The following PLD4 variants were observed in gnomAD, a reference collection of about 807,000 sequenced individuals.
The protein encoded by PLD4 is phospholipase D family member 4.
In PLD4, 54 loss-of-function variants were observed where a neutral mutation model predicts 52.3. The observed-to-expected ratio is 1.03, with a 90% CI of 0.83 to 1.30. PLD4 has a LOEUF of 1.30. Ranked by LOEUF, PLD4 falls within the 50% of genes most tolerant of loss-of-function variation. The pLI is 0.00. For missense variants in PLD4, 731 were observed against 671.1 expected (o/e 1.09, Z -0.99); for synonymous variants, 264 against 286.5 (o/e 0.92, Z 0.79).
intron 1 of PLD4, 145 bp from the exon 2 acceptor site, chr14:104,926,996 C>T (rs573306948): frequency 4.3e-5 from 27 of 633,338 alleles, no homozygotes; most frequent in Middle Eastern, 9.4e-4. Flanking sequence ...ACATCCAGGG[C>T]GTGACCTCGG....
In PLD4 at chr14:104,928,861, G is replaced by A. The variant is rs760020084; in HGVS notation, c.397G>A (p.Val133Ile). 32 of 1,612,324 alleles carry A rather than the reference G, an allele frequency of 2.0e-5. No homozygotes were observed. Among genetic ancestry groups the A allele is most frequent in the African/African-American group, 1.1e-4 (8 of 74,942 alleles). ...LQLLDTAQES[V>I]HVASYYWSLT... The stretch of plus-strand genomic sequence containing the variant: ...GCTGCTGGACACTGCCCAGGAGAGC[G>A]TCCACGTGGCTTCATACTACTGGTC... The change falls in exon 4 of 11, where the codon GTC (valine) becomes ATC (isoleucine). Residue 133 changes from valine (V) to isoleucine (I), a missense_variant. By Grantham distance (29) the Val-to-Ile change is conservative. Transcript: ENST00000392593.
intron 3 of PLD4, among the ~76,000 whole-genome samples, 174 bp from the exon 4 acceptor site, chr14:104,928,575 A>G (rs1897532373): frequency 6.6e-6 from 1 of 152,156 alleles, no homozygotes; most frequent in Non-Finnish European, 1.5e-5. Context: ...CACCCTGCCC[A>G]GTCTGTTTTG....
downstream of PLD4, chr14:104,935,317 G>A (rs1038221443): frequency 2.6e-5 from 4 of 152,286 alleles, no homozygotes; most frequent in African/African-American, 7.2e-5. Flanking sequence ...CAACTGGCTG[G>A]TGGCCCTCAG....
chr14:104,927,061 C>A, intron 1 of PLD4, 80 bp from the exon 2 acceptor site: 2 of 1,350,578 alleles, frequency 1.5e-6, no homozygotes, highest in Non-Finnish European at 2.0e-6. Context: ...GGGGTGTCCC[C>A]AGTGCCCAGC....
intron 1 of PLD4, among the ~76,000 whole-genome samples, 153 bp downstream of exon 1, chr14:104,925,143 A>C (rs564839133): frequency 6.6e-6 from 1 of 152,350 alleles, no homozygotes; most frequent in South Asian, 2.1e-4. Context: ...CTCCGTCCCC[A>C]GTCCGTGCAG....
intron 8 of PLD4, 59 bp from the exon 9 acceptor site, chr14:104,931,953 T>C: frequency 6.6e-7 from 1 of 1,526,574 alleles, no homozygotes; most frequent in Non-Finnish European, 8.8e-7. Flanking sequence ...CGTCCCCTCC[T>C]GCTGGGACCC....
intron 4 of PLD4, 69 bp downstream of exon 4, chr14:104,929,001 C>A: frequency 6.6e-7 from 1 of 1,519,866 alleles, no homozygotes; most frequent in Non-Finnish European, 8.9e-7. Flanking sequence ...CCTATCTATG[C>A]AGGCGTCTCG....
chr14:104,929,545 G>A (rs1897573444), intron 5 of PLD4, 118 bp downstream of exon 5: 1 of 1,407,752 alleles, frequency 7.1e-7, no homozygotes, highest in East Asian at 2.5e-5. Flanking sequence ...GACTTCCCTA[G>A]GACACCCCAG....
rs749184178 is a variant in PLD4 at position 104,931,776 on chromosome 14, GC to G, written c.949del (p.Arg317AlafsTer11). The G allele has an allele frequency of 1.9e-6, 3 of 1,589,668 alleles. No individual in the cohort carries two copies. Among genetic ancestry groups the G allele is most frequent in the Non-Finnish European group, 2.6e-6 (3 of 1,168,574 alleles). On this transcript the variant is annotated frameshift_variant, in exon 8 of 11. Transcript: ENST00000392593. LOFTEE classifies it high-confidence loss of function. ...SASPPALCPQ[G>X]RTRDLEALLA... ...TCGCCACCAGCACTCTGTCCCCAGG[GC>G]CGCACCCGGGACCTGGAGGCGCTGC...
chr14:104,928,832 T>C lies in PLD4; in HGVS notation c.368T>C (p.Leu123Pro). 1 of 1,612,226 alleles carries C rather than the reference T, an allele frequency of 6.2e-7. No individual in the cohort carries two copies. Among genetic ancestry groups the C allele is most frequent in the Middle Eastern group, 1.7e-4 (1 of 6,030 alleles). ...PSAQPLGQAW[L>P]QLLDTAQESV... Reference sequence around the variant, plus strand: ...GCCCAGCCTCTGGGCCAGGCCTGGCTGCAGCTGCTGGACACTGCCCAGGAG... The same window carrying C: ...GCCCAGCCTCTGGGCCAGGCCTGGCCGCAGCTGCTGGACACTGCCCAGGAG... Residue 123 changes from leucine to proline, a missense_variant, in exon 4 of 11, where the codon CTG (leucine) becomes CCG (proline). By Grantham distance (98) the Leu-to-Pro change is moderately conservative. Transcript: ENST00000392593.
At chr14:104,930,222 A>C (rs1897598947) in intron 6 of PLD4, 117 bp downstream of exon 6, 1 of 1,372,038 alleles carries the variant, frequency 7.3e-7, no homozygotes, top group Non-Finnish European at 9.9e-7. Flanking sequence ...TCCTGTTTAC[A>C]ATTCACTATG....
Position 104,932,196 on chromosome 14 carries a change from C to CCGGG in PLD4, c.1224+22_1224+25dup. 1.2e-6 allele frequency: 2 copies of CCGGG among 1,611,890 alleles called. No individual in the cohort carries two copies. Among genetic ancestry groups the CCGGG allele is most frequent in the Non-Finnish European group, 1.7e-6 (2 of 1,179,460 alleles). ...GGACGTGGTGAGGGCGTGCTCCCGG[C>CCGGG]CGGGCGTGGGAAAGGCGGCCCTCCT... On this transcript the variant is annotated intron_variant, in intron 9 of 10. Coordinates refer to ENST00000392593, the MANE Select transcript of PLD4 (RefSeq NM_138790.5). The surrounding 1 kb of genome is among the most constrained non-coding windows in gnomAD (Gnocchi z 6.5).
In PLD4 at chr14:104,930,058, CA is replaced by C. The variant is rs769896593; in HGVS notation, c.671del (p.His224ProfsTer14). The C allele has an allele frequency of 3.9e-5, 63 of 1,613,486 alleles. No individual in the cohort carries two copies. The highest frequency in any genetic ancestry group is 5.3e-5 in the Non-Finnish European group (62 of 1,179,986). ...CAAATTCTGGGTTGTGGATGGACGG[CA>C]CATATACATGGGCAGTGCCAACATG... ...HSKFWVVDGR[H>X]IYMGSANMDW... On this transcript the variant is annotated frameshift_variant, in exon 6 of 11. Coordinates refer to ENST00000392593, the MANE Select transcript of PLD4 (RefSeq NM_138790.5). LOFTEE classifies it high-confidence loss of function.
At chr14:104,925,085 C>T (rs1024296983) in intron 1 of PLD4, 95 bp downstream of exon 1, 2 of 152,644 alleles carry the variant, frequency 1.3e-5, no homozygotes, top group African/African-American at 4.8e-5. Context: ...CCAGCAACCC[C>T]AGGTCCAGAG....
chr14:104,933,061 G>GA lies in PLD4; in HGVS notation c.*97_*98insA. On this transcript the variant is annotated 3_prime_UTR_variant, in exon 11 of 11. Coordinates refer to ENST00000392593, the MANE Select transcript of PLD4 (RefSeq NM_138790.5). ...GCCGCTTCCTCCCGCAAGCAGCCCG[G>GA]GTCCGCACTGCGCCAGGAGCCGCCT... The GA allele has an allele frequency of 3.7e-6, 5 of 1,352,682 alleles. No homozygotes were observed. Among genetic ancestry groups the GA allele is most frequent in the Non-Finnish European group, 4.8e-6 (5 of 1,031,520 alleles). 83.8% of individuals were successfully genotyped at this position (1,352,682 alleles called of 1,614,324 possible).
Position 104,927,618 on chromosome 14 carries a change from G to C in PLD4, c.91-55G>C, listed in dbSNP as rs1420562995. On this transcript the variant is annotated intron_variant, in intron 2 of 10. Transcript: ENST00000392593. ...GCACTGGAGGGGCCATCGTGGCCCA[G>C]CCAGAAGTCAAGCCCCGCCCTGTCT... 4 of 1,480,726 alleles carry C rather than the reference G, an allele frequency of 2.7e-6. No individual in the cohort carries two copies. The African/African-American group carries it at 5.6e-5, about 21-fold the overall frequency. The allele number at this position is 1,480,726 out of a possible 1,614,324, so 91.7% of individuals were successfully genotyped here. A position where few individuals can be genotyped will look rare whatever the true frequency, so the allele number is the denominator to read the frequency against.
chr14:104,932,775 C>G lies in PLD4; in HGVS notation c.1332C>G (p.Asn444Lys). ...CCATCCTCCCCGCAGGCACCTCCAA[C>G]TGGTCGGAGGATTACTTCAGCAGCA... ...TEKAAYIGTS[N>K]WSEDYFSSTA... is the part of the protein sequence containing the mutation. The change falls in exon 11 of 11, where the codon AAC (asparagine) becomes AAG (lysine). Residue 444 changes from asparagine (N) to lysine (K), a missense_variant. Transcript: ENST00000392593. This position sits in a 1 kb window ranked among gnomAD's most constrained non-coding sequence, Gnocchi z 6.5. 1 of 1,578,432 alleles carries G rather than the reference C, an allele frequency of 6.3e-7. No individual in the cohort carries two copies. The highest frequency in any genetic ancestry group is 8.6e-7 in the Non-Finnish European group (1 of 1,159,588).
Position 104,931,291 on chromosome 14 carries a change from G to C in PLD4, c.918+349G>C, listed in dbSNP as rs551659165. 5.3e-5 allele frequency among the ~76,000 whole-genome samples: 8 copies of C among 152,288 alleles called. No homozygotes were observed. In the South Asian group the frequency reaches 1.2e-3, roughly 24 times the overall value. ...TTAGCTGGGCACTGGAGAGGGAGGG[G>C]AACCCCACTTGCTCTGCGGGGAAGG... On this transcript the variant is annotated intron_variant, in intron 7 of 10. Coordinates refer to ENST00000392593, the MANE Select transcript of PLD4 (RefSeq NM_138790.5).
At position 104,932,992 on chromosome 14, in the gene PLD4, C is replaced by T; in HGVS notation, c.*28C>T. On this transcript the variant is annotated 3_prime_UTR_variant, in exon 11 of 11. Transcript: ENST00000392593. The surrounding 1 kb of genome is among the most constrained non-coding windows in gnomAD (Gnocchi z 6.5). ...GGGGCCTCTTTTTCTCTCGGCGACC[C>T]CGCCCCGCACGCGCCCTCCCCTCTG... 6.6e-7 allele frequency: 1 copy of T among 1,525,666 alleles called. No homozygotes were observed. The highest frequency in any genetic ancestry group is 8.8e-7 in the Non-Finnish European group (1 of 1,138,238). 94.5% of individuals were successfully genotyped at this position (1,525,666 alleles called of 1,614,324 possible). A position where few individuals can be genotyped will look rare whatever the true frequency, so the allele number is the denominator to read the frequency against.
Sources: gnomAD v4.1 joint callset for allele counts (sites outside exome capture counted in the v4.1 genomes callset) on GRCh38, gnomAD v4.1.1 for gene constraint, Gnocchi (gnomAD v3.1) non-coding constraint, MANE v1.5 for transcripts, NCBI Gene and HGNC (gene_info 2026-07-23, HGNC 2026-07-21) for gene names.